KCNN2: variants seen among roughly 807,000 people sequenced by gnomAD.
The protein encoded by KCNN2 is small conductance calcium-activated potassium channel protein 2.
A neutral mutation model predicts 55.5 loss-of-function variants in KCNN2; 24 were observed. The observed-to-expected ratio is 0.43, with a 90% CI of 0.31 to 0.61. The LOEUF (loss-of-function observed/expected upper bound fraction) is 0.61, where lower values mean the gene tolerates loss of function less well. KCNN2 is among the 20% of genes least tolerant of loss of function. The probability of loss-of-function intolerance (pLI) is 0.08; values close to 1 mark genes in which losing one functional copy is unlikely to be tolerated. For missense variants in KCNN2, 754 were observed against 853.6 expected (o/e 0.88, Z 1.45); for synonymous variants, 431 against 336.1 (o/e 1.28, Z -3.09).
chr5:114,082,546 T>G (rs1456818520), intron 1 of KCNN2, among the ~76,000 whole-genome samples: 1 of 152,046 alleles, frequency 6.6e-6, no homozygotes, highest in Non-Finnish European at 1.5e-5. Flanking sequence ...CTAAAATAAT[T>G]AAAAACAGAA....
intron 1 of KCNN2, among the ~76,000 whole-genome samples, chr5:114,155,280 G>T (rs1435594457): frequency 6.6e-6 from 1 of 152,100 alleles, no homozygotes; most frequent in South Asian, 2.1e-4. Context: ...TCTTTATCCA[G>T]TCTGTGATTG....
chr5:114,231,883 G>A lies in KCNN2; in HGVS notation c.-185+10318G>A, dbSNP rs539557374. ...TTTTTCTGTTAAAACCTTCTACTTG[G>A]CATTAGGCTGTTACAGGTAGACAGA... On this transcript the variant is annotated intron_variant, in intron 2 of 10. Transcript: ENST00000512097. Among the ~76,000 whole-genome samples the A allele has an allele frequency of 2.4e-4, 36 of 149,970 alleles. No individual in the cohort carries two copies. The South Asian group carries it at 7.5e-3, about 31-fold the overall frequency.
chr5:114,169,243 G>A (rs993984036), intron 1 of KCNN2, among the ~76,000 whole-genome samples: 1 of 152,044 alleles, frequency 6.6e-6, no homozygotes, highest in African/African-American at 2.4e-5. Flanking sequence ...GAATGGACTA[G>A]TAAAAGATAC....
chr5:114,205,045 C>T (rs1318237060), intron 1 of KCNN2, among the ~76,000 whole-genome samples: 3 of 151,034 alleles, frequency 2.0e-5, no homozygotes, highest in Non-Finnish European at 2.9e-5. Context: ...TAAATGAAGG[C>T]AAAAGCTTTG....
At chr5:114,442,630 T>C (rs1364973480) in intron 3 of KCNN2, among the ~76,000 whole-genome samples, 1 of 152,136 alleles carries the variant, frequency 6.6e-6, no homozygotes, top group Non-Finnish European at 1.5e-5. Context: ...CCAGATGCTA[T>C]TGGGGCTTAT....
chr5:114,442,378 A>C (rs539021234), intron 3 of KCNN2, among the ~76,000 whole-genome samples: 6,681 of 152,106 alleles, frequency 0.044, 455 homozygotes, highest in African/African-American at 0.15. Flanking sequence ...AGTGATTTTA[A>C]GGAAAAACAA....
intron 3 of KCNN2, among the ~76,000 whole-genome samples, chr5:114,445,384 C>G (rs1760364209): frequency 6.6e-6 from 1 of 152,144 alleles, no homozygotes; most frequent in South Asian, 2.1e-4. Flanking sequence ...ATAAAGTGTT[C>G]AGCTACCTTT....
chr5:114,302,479 T>A (rs1756186126), intron 2 of KCNN2, among the ~76,000 whole-genome samples: 1 of 152,118 alleles, frequency 6.6e-6, no homozygotes, highest in Non-Finnish European at 1.5e-5. Flanking sequence ...GAATAACAGT[T>A]ATAATGGAAG....
intron 3 of KCNN2, among the ~76,000 whole-genome samples, chr5:114,426,443 C>A (rs1005966978): frequency 1.2e-4 from 18 of 152,094 alleles, no homozygotes; most frequent in Non-Finnish European, 2.6e-4. Flanking sequence ...ATAAAAGATA[C>A]TGGTCTATAG....
At chr5:114,243,021 C>T (rs1361815249) in intron 2 of KCNN2, among the ~76,000 whole-genome samples, 1 of 151,390 alleles carries the variant, frequency 6.6e-6, no homozygotes, top group Non-Finnish European at 1.5e-5. Context: ...GAAATATTCT[C>T]TGCCATTGTG....
chr5:114,312,434 CATATATATATAT>C (rs59964515), intron 2 of KCNN2, among the ~76,000 whole-genome samples: 105 of 23,326 alleles, frequency 4.5e-3, no homozygotes, highest in African/African-American at 5.9e-3. Context: ...CACACACACA[CATATATATATAT>C]ATATATATAT....
chr5:114,320,788 G>C (rs1308647066), intron 2 of KCNN2, among the ~76,000 whole-genome samples: 1 of 152,168 alleles, frequency 6.6e-6, no homozygotes, highest in Non-Finnish European at 1.5e-5. Context: ...GATAGAGATA[G>C]TGACAGGTAA....
intron 2 of KCNN2, among the ~76,000 whole-genome samples, chr5:114,314,876 G>A (rs1756468770): frequency 6.6e-6 from 1 of 152,120 alleles, no homozygotes; most frequent in Non-Finnish European, 1.5e-5. Flanking sequence ...AGGTGCTCTT[G>A]AGGACCCTCT....
intron 7 of KCNN2, among the ~76,000 whole-genome samples, chr5:114,494,046 T>G (rs886792356): frequency 1.3e-5 from 2 of 152,272 alleles, no homozygotes; most frequent in Admixed American, 6.5e-5. Context: ...CTCCAAATTA[T>G]TCTACCTTAT....
At chr5:114,223,011 A>C (rs1221000986) in intron 2 of KCNN2, among the ~76,000 whole-genome samples, 1 of 152,208 alleles carries the variant, frequency 6.6e-6, no homozygotes, top group East Asian at 1.9e-4. Context: ...CATGCTGTCC[A>C]TCTTTCTGAC....
At chr5:114,155,493 C>T (rs1319876957) in intron 1 of KCNN2, among the ~76,000 whole-genome samples, 1 of 152,156 alleles carries the variant, frequency 6.6e-6, no homozygotes, top group East Asian at 1.9e-4. Context: ...AACTAATTTA[C>T]ACTCCCTTCA....
chr5:114,373,615 C>T (rs1757829679), intron 2 of KCNN2, among the ~76,000 whole-genome samples: 1 of 85,964 alleles, frequency 1.2e-5, no homozygotes. Context: ...TAGAGTACCT[C>T]TCTCATGGTG....
intron 1 of KCNN2, among the ~76,000 whole-genome samples, chr5:114,066,319 C>T (rs757698227): frequency 4.6e-5 from 7 of 152,146 alleles, no homozygotes; most frequent in South Asian, 4.1e-4. Flanking sequence ...ATGATAAAAA[C>T]CAACAGATAC....
At chr5:114,179,951 A>C (rs1236052431) in intron 1 of KCNN2, among the ~76,000 whole-genome samples, 1 of 152,238 alleles carries the variant, frequency 6.6e-6, no homozygotes, top group Non-Finnish European at 1.5e-5. Context: ...TCTTTATTTT[A>C]TTAATCCTAG....
Sources: gnomAD v4.1 joint callset for allele counts (sites outside exome capture counted in the v4.1 genomes callset) on GRCh38, gnomAD v4.1.1 for gene constraint, MANE v1.5 for transcripts, NCBI Gene and HGNC (gene_info 2026-07-23, HGNC 2026-07-21) for gene names.